FMN2: variants seen among roughly 807,000 people sequenced by gnomAD.
FMN2 encodes the protein formin-2.
Under a neutral mutation model 142.3 loss-of-function variants are expected in FMN2, and 51 were observed. The ratio of observed to expected loss-of-function variants is 0.36; its 90% CI spans 0.29 to 0.45. FMN2 has a LOEUF of 0.45. FMN2 is among the 20% of genes least tolerant of loss of function. FMN2 has a pLI of 1.00. For synonymous variants in FMN2, 882 were observed against 869.8 expected, an observed-to-expected ratio of 1.01 and a Z score of -0.25; for missense variants, 1,936 against 2,122.8, an observed-to-expected ratio of 0.91 and a Z score of 1.73.
At chr1:240,440,342 G>T (rs1403605775) in intron 16 of FMN2, among the ~76,000 whole-genome samples, 1 of 152,160 alleles carries the variant, frequency 6.6e-6, no homozygotes, top group Non-Finnish European at 1.5e-5. Context: ...AGCCTCCTCA[G>T]AGTCCCATCT....
At chr1:240,173,709 T>G (rs1381666066) in intron 2 of FMN2, among the ~76,000 whole-genome samples, 1 of 152,172 alleles carries the variant, frequency 6.6e-6, no homozygotes, top group Non-Finnish European at 1.5e-5. Flanking sequence ...TCTGTTTTGC[T>G]TATTTTCTGC....
chr1:240,104,938 A>G (rs936986964), intron 1 of FMN2, among the ~76,000 whole-genome samples: 1 of 152,036 alleles, frequency 6.6e-6, no homozygotes, highest in Non-Finnish European at 1.5e-5. Context: ...CTTCTCGGCC[A>G]CCAGAGAAAA....
chr1:240,239,534 G>T (rs1393167615), intron 6 of FMN2, among the ~76,000 whole-genome samples: 3 of 152,184 alleles, frequency 2.0e-5, no homozygotes, highest in Admixed American at 6.5e-5. Context: ...TGCTTATTCA[G>T]TATGTCATTT....
At chr1:240,246,477 A>G (rs1668087971) in intron 6 of FMN2, among the ~76,000 whole-genome samples, 1 of 152,110 alleles carries the variant, frequency 6.6e-6, no homozygotes, top group African/African-American at 2.4e-5. Flanking sequence ...TACTGTTTTA[A>G]TCATTTTTCT....
chr1:240,162,123 C>CTCCGT (rs1664304842), intron 2 of FMN2, among the ~76,000 whole-genome samples: 1 of 150,706 alleles, frequency 6.6e-6, no homozygotes, highest in Non-Finnish European at 1.5e-5. Flanking sequence ...CAGAGCAAGA[C>CTCCGT]CTTGTTTCAA....
At chr1:240,266,987 A>G (rs1668835463) in intron 7 of FMN2, among the ~76,000 whole-genome samples, 1 of 152,124 alleles carries the variant, frequency 6.6e-6, no homozygotes, top group Admixed American at 6.6e-5. Flanking sequence ...CTCAAACTGT[A>G]AGAGTCGTAC....
At chr1:240,410,180 G>A (rs1674345751) in intron 15 of FMN2, among the ~76,000 whole-genome samples, 1 of 151,598 alleles carries the variant, frequency 6.6e-6, no homozygotes, top group South Asian at 2.1e-4. Flanking sequence ...AAAAATAGAA[G>A]GTTTATAGCT....
At chr1:240,367,830 C>T (rs1044715108) in intron 14 of FMN2, among the ~76,000 whole-genome samples, 5 of 150,098 alleles carry the variant, frequency 3.3e-5, no homozygotes, top group Non-Finnish European at 7.4e-5. Flanking sequence ...AGATAATGTC[C>T]TTTATTTTCC....
At chr1:240,191,347 CAG>C (rs1460776838) in intron 4 of FMN2, among the ~76,000 whole-genome samples, 1 of 152,288 alleles carries the variant, frequency 6.6e-6, no homozygotes, top group Middle Eastern at 3.4e-3. Context: ...GTGGTGTTGC[CAG>C]AGAGTCTGAT....
chr1:240,161,497 C>T (rs1244898590), intron 2 of FMN2, among the ~76,000 whole-genome samples: 1 of 150,966 alleles, frequency 6.6e-6, no homozygotes, highest in African/African-American at 2.4e-5. Flanking sequence ...TGTGCCACTG[C>T]ACTCCAGCCT....
intron 8 of FMN2, 73 bp downstream of exon 8, chr1:240,294,956 CT>C: frequency 7.3e-7 from 1 of 1,366,518 alleles, no homozygotes. Context: ...CACATATAGG[CT>C]CTTTGTTTTA....
intron 7 of FMN2, among the ~76,000 whole-genome samples, chr1:240,290,892 G>A (rs563999437): frequency 1.6e-3 from 233 of 147,548 alleles, no homozygotes; most frequent in Non-Finnish European, 2.9e-3. Context: ...GGTAGATCTA[G>A]GCCCTCTACC....
chr1:240,093,054 A>G lies in FMN2; in HGVS notation c.945A>G (p.Lys315=). 7.2e-7 allele frequency: 1 copy of G among 1,392,314 alleles called. No individual in the cohort carries two copies. The highest frequency in any genetic ancestry group is 1.5e-5 in the African/African-American group (1 of 65,374). The allele number at this position is 1,392,314 out of a possible 1,614,324, so 86.2% of individuals were successfully genotyped here. Reference sequence around the variant, plus strand: ...TCCCGGCAGCGCAACCCGCGGCCAAAGACTCGCCCTCCTCCACGGCTTTCC... The same window carrying G: ...TCCCGGCAGCGCAACCCGCGGCCAAGGACTCGCCCTCCTCCACGGCTTTCC... ...PSLPAAQPAA[K]DSPSSTAFPF... Residue 315 remains lysine, a synonymous_variant, in exon 1 of 18, where the codon AAA becomes AAG. Transcript: ENST00000319653.
chr1:240,239,331 G>GA lies in FMN2; in HGVS notation c.4066-18609dup, dbSNP rs200275910. ...CTTCAAATGGATTTGTTAAAGAAAGGAAAAATGCTAAATATATGATCTCTG... is the reference window on the plus strand; with the variant it reads ...CTTCAAATGGATTTGTTAAAGAAAGGAAAAAATGCTAAATATATGATCTCTG... On this transcript the variant is annotated intron_variant, in intron 6 of 17. Transcript: ENST00000319653. Among the ~76,000 whole-genome samples the GA allele has an allele frequency of 1.7e-3, 254 of 152,242 alleles. 4 individuals carry two copies. The East Asian group carries it at 0.043, about 26-fold the overall frequency.
intron 14 of FMN2, among the ~76,000 whole-genome samples, chr1:240,387,236 G>T (rs574118707): frequency 2.0e-5 from 3 of 152,030 alleles, no homozygotes; most frequent in Non-Finnish European, 4.4e-5. Flanking sequence ...ACTCTACTCC[G>T]CTACTACTTC....
intron 4 of FMN2, among the ~76,000 whole-genome samples, chr1:240,192,164 T>C (rs1665724448): frequency 6.6e-6 from 1 of 152,244 alleles, no homozygotes; most frequent in South Asian, 2.1e-4. Context: ...CTCCTTAAAG[T>C]ATCTGTTATA....
At chr1:240,395,613 G>T (rs1673747131) in intron 15 of FMN2, among the ~76,000 whole-genome samples, 1 of 152,172 alleles carries the variant, frequency 6.6e-6, no homozygotes, top group Admixed American at 6.5e-5. Context: ...AGGATTCCAA[G>T]ACATCAGTGG....
chr1:240,376,592 C>A (rs1673053258), intron 14 of FMN2, among the ~76,000 whole-genome samples: 2 of 152,036 alleles, frequency 1.3e-5, no homozygotes, highest in Non-Finnish European at 2.9e-5. Context: ...TACAGCATAA[C>A]AACTGTTTAC....
intron 6 of FMN2, among the ~76,000 whole-genome samples, chr1:240,222,516 A>G (rs938871156): frequency 7.1e-6 from 1 of 141,728 alleles, no homozygotes; most frequent in African/African-American, 2.7e-5. Context: ...TTTTTTTTTT[A>G]AATTCTGTGA....
Sources: gnomAD v4.1 joint callset for allele counts (sites outside exome capture counted in the v4.1 genomes callset) on GRCh38, gnomAD v4.1.1 for gene constraint, MANE v1.5 for transcripts, NCBI Gene and HGNC (gene_info 2026-07-23, HGNC 2026-07-21) for gene names.